The following RAD18 variants were observed in gnomAD, a reference collection of about 807,000 sequenced individuals.
RAD18 encodes E3 ubiquitin-protein ligase RAD18.
Under a neutral mutation model 60.4 loss-of-function variants are expected in RAD18, and 47 were observed. The observed-to-expected ratio is 0.78, with a 90% CI of 0.62 to 0.99. The LOEUF is 0.99. RAD18 is among the 50% of genes least tolerant of loss of function. The pLI, the probability that RAD18 is intolerant of heterozygous loss-of-function variation, is 0.00. For synonymous variants in RAD18, 225 were observed against 195.5 expected (o/e 1.15, Z -1.26); for missense variants, 640 against 593.3 (o/e 1.08, Z -0.82).
chr3:8,899,432 A>C (rs1431447193), intron 10 of RAD18, among the ~76,000 whole-genome samples: 1 of 152,228 alleles, frequency 6.6e-6, no homozygotes. Flanking sequence ...TCAACTAATA[A>C]GACAACCACA....
intron 7 of RAD18, among the ~76,000 whole-genome samples, chr3:8,932,147 T>C (rs1940571939): frequency 6.6e-6 from 1 of 152,200 alleles, no homozygotes; most frequent in Non-Finnish European, 1.5e-5. Flanking sequence ...CATGAAATGA[T>C]ACACAAGAAG....
At chr3:8,886,081 GC>G (rs892871945) in intron 12 of RAD18, among the ~76,000 whole-genome samples, 3 of 152,152 alleles carry the variant, frequency 2.0e-5, no homozygotes, top group African/African-American at 7.2e-5. Context: ...TTATCTCAAG[GC>G]CAGTGCTTGT....
intron 2 of RAD18, 82 bp downstream of exon 2, chr3:8,958,838 T>C (rs756679336): frequency 1.5e-5 from 16 of 1,069,706 alleles, no homozygotes; most frequent in Non-Finnish European, 2.3e-5. Context: ...CATAAATATG[T>C]GCACATATCT....
chr3:8,939,503 A>G lies in RAD18; in HGVS notation c.704+51T>C, dbSNP rs74389163. On this transcript the variant is annotated intron_variant, in intron 6 of 12. Transcript: ENST00000264926. Reference sequence around the variant, plus strand: ...TACTGTAATTTTCCCCCAAGTAAGCACAAGAGGCACCCAGCTAAAGTAGCT... The same window carrying G: ...TACTGTAATTTTCCCCCAAGTAAGCGCAAGAGGCACCCAGCTAAAGTAGCT... The G allele has an allele frequency of 1.3e-5, 19 of 1,464,440 alleles. No homozygotes were observed. In the East Asian group the frequency reaches 2.3e-4, roughly 18 times the overall value. The allele number at this position is 1,464,440 out of a possible 1,614,324, so 90.7% of individuals were successfully genotyped here.
At chr3:8,923,937 C>T (rs1233602453) in intron 7 of RAD18, among the ~76,000 whole-genome samples, 2 of 152,204 alleles carry the variant, frequency 1.3e-5, no homozygotes, top group Non-Finnish European at 2.9e-5. Flanking sequence ...AAAGGAACAA[C>T]CAGTACCAGC....
At chr3:8,923,494 GA>G (rs1361944759) in intron 7 of RAD18, among the ~76,000 whole-genome samples, 1 of 152,038 alleles carries the variant, frequency 6.6e-6, no homozygotes, top group Admixed American at 6.6e-5. Context: ...CACTCTGCAG[GA>G]TATTATCCAG....
intron 3 of RAD18, among the ~76,000 whole-genome samples, chr3:8,947,547 C>T (rs918901495): frequency 2.6e-5 from 4 of 152,178 alleles, no homozygotes; most frequent in Non-Finnish European, 4.4e-5. Flanking sequence ...GTACTGACTA[C>T]AATCAAACCT....
intron 9 of RAD18, among the ~76,000 whole-genome samples, chr3:8,908,192 TAG>T (rs1377150130): frequency 1.3e-5 from 2 of 152,062 alleles, no homozygotes; most frequent in Non-Finnish European, 1.5e-5. Context: ...GAGGTAGACA[TAG>T]AGTGATTAAA....
At chr3:8,950,630 T>C (rs1940912159) in intron 2 of RAD18, among the ~76,000 whole-genome samples, 2 of 152,164 alleles carry the variant, frequency 1.3e-5, no homozygotes, top group African/African-American at 4.8e-5. Flanking sequence ...TCATTTCCAG[T>C]TATTAACAAA....
At chr3:8,956,211 CA>C (rs1230745738) in intron 2 of RAD18, among the ~76,000 whole-genome samples, 2 of 152,156 alleles carry the variant, frequency 1.3e-5, no homozygotes, top group African/African-American at 4.8e-5. Flanking sequence ...TTCTCTTTGT[CA>C]TATCCGAATT....
At chr3:8,891,669 A>G (rs1575533067) in intron 11 of RAD18, among the ~76,000 whole-genome samples, 1 of 152,260 alleles carries the variant, frequency 6.6e-6, no homozygotes, top group East Asian at 1.9e-4. Context: ...AATTCCCATT[A>G]TCTTTCCTTC....
intron 12 of RAD18, among the ~76,000 whole-genome samples, chr3:8,887,280 C>A (rs186721458): frequency 6.6e-6 from 1 of 152,176 alleles, no homozygotes; most frequent in Non-Finnish European, 1.5e-5. Context: ...TTGCAAGTGA[C>A]TGCAGGTGAG....
chr3:8,890,716 G>A (rs1014623652), intron 11 of RAD18, among the ~76,000 whole-genome samples: 6 of 152,052 alleles, frequency 3.9e-5, no homozygotes, highest in Non-Finnish European at 5.9e-5. Context: ...CACTAGCCAG[G>A]GAGGCTGAGA....
intron 11 of RAD18, among the ~76,000 whole-genome samples, chr3:8,897,793 C>T (rs972747892): frequency 9.2e-5 from 14 of 152,208 alleles, no homozygotes; most frequent in East Asian, 1.9e-4. Context: ...TGGCCAGGTA[C>T]GGTGGCTCAT....
chr3:8,922,985 A>G (rs1241479780), intron 7 of RAD18, among the ~76,000 whole-genome samples: 1 of 152,230 alleles, frequency 6.6e-6, no homozygotes, highest in African/African-American at 2.4e-5. Flanking sequence ...AGAAAAGCTG[A>G]AAATTCTAAA....
At chr3:8,941,385 C>A in intron 5 of RAD18, 82 bp downstream of exon 5, 1 of 1,234,550 alleles carries the variant, frequency 8.1e-7, no homozygotes, top group Non-Finnish European at 1.1e-6. Context: ...ATTCCTTCCC[C>A]CTCAAAGATG....
Position 8,963,431 on chromosome 3 carries a change from G to T in RAD18, c.-46C>A, listed in dbSNP as rs754485106. On this transcript the variant is annotated 5_prime_UTR_variant, in exon 1 of 13. Transcript: ENST00000264926. The stretch of plus-strand genomic sequence containing the variant: ...GGGGTCAGCCACCCACTAGCCTCCG[G>T]CGCTCCAACACCACTCGAAATTCCC... 3 of 1,524,048 alleles carry T rather than the reference G, an allele frequency of 2.0e-6. No individual in the cohort carries two copies. Among genetic ancestry groups the T allele is most frequent in the African/African-American group, 1.4e-5 (1 of 72,148 alleles). 94.4% of individuals were successfully genotyped at this position (1,524,048 alleles called of 1,614,324 possible).
At chr3:8,934,286 G>A (rs1940613629) in intron 7 of RAD18, among the ~76,000 whole-genome samples, 2 of 152,118 alleles carry the variant, frequency 1.3e-5, no homozygotes, top group South Asian at 4.1e-4. Flanking sequence ...ACTATTTTAG[G>A]AACTTCTACT....
At chr3:8,930,168 T>C (rs948648297) in intron 7 of RAD18, among the ~76,000 whole-genome samples, 18 of 152,128 alleles carry the variant, frequency 1.2e-4, no homozygotes, top group African/African-American at 4.3e-4. Flanking sequence ...AGTGGAAAAA[T>C]GTCAGATTTG....
Sources: gnomAD v4.1 joint callset for allele counts (sites outside exome capture counted in the v4.1 genomes callset) on GRCh38, gnomAD v4.1.1 for gene constraint, MANE v1.5 for transcripts, NCBI Gene and HGNC (gene_info 2026-07-23, HGNC 2026-07-21) for gene names.